The following SNTG1 variants were observed in gnomAD, a reference collection of about 807,000 sequenced individuals.
SNTG1 encodes gamma-1-syntrophin.
SNTG1 carries 39 observed loss-of-function variants against 74.7 expected under a neutral mutation model. That is an observed-to-expected ratio of 0.52 (90% confidence interval 0.40 to 0.68). SNTG1 has a LOEUF of 0.68. SNTG1 is among the 30% of genes least tolerant of loss of function. The probability of loss-of-function intolerance (pLI) is 0.00; values close to 1 mark genes in which losing one functional copy is unlikely to be tolerated. For synonymous variants in SNTG1, 254 were observed against 217.1 expected (o/e 1.17, Z -1.49); for missense variants, 685 against 609.5 (o/e 1.12, Z -1.30).
chr8:50,583,089 A>G (rs1254211092), intron 12 of SNTG1, among the ~76,000 whole-genome samples: 1 of 152,048 alleles, frequency 6.6e-6, no homozygotes, highest in Non-Finnish European at 1.5e-5. Context: ...ACCATCCTGA[A>G]TCTAGGTATG....
At chr8:50,788,829 T>A (rs981022847) in intron 18 of SNTG1, among the ~76,000 whole-genome samples, 11 of 151,570 alleles carry the variant, frequency 7.3e-5, no homozygotes, top group Admixed American at 1.3e-4. Flanking sequence ...TGTACCCATA[T>A]ACTGTGCCTC....
At chr8:50,282,630 G>A (rs1020799473) in intron 2 of SNTG1, among the ~76,000 whole-genome samples, 20 of 152,006 alleles carry the variant, frequency 1.3e-4, no homozygotes, top group African/African-American at 4.8e-4. Context: ...GTCAGGCATG[G>A]TGGCACACGC....
intron 9 of SNTG1, among the ~76,000 whole-genome samples, chr8:50,505,016 CA>C (rs1449864198): frequency 6.6e-6 from 1 of 152,118 alleles, no homozygotes. Context: ...CACCCACTGG[CA>C]AACACCATTG....
intron 18 of SNTG1, among the ~76,000 whole-genome samples, chr8:50,790,077 A>G (rs1035011987): frequency 2.6e-5 from 4 of 152,006 alleles, no homozygotes; most frequent in African/African-American, 9.7e-5. Context: ...TATACAAGGC[A>G]ACATGAATTT....
intron 17 of SNTG1, among the ~76,000 whole-genome samples, chr8:50,714,905 A>T (rs2095471463): frequency 6.6e-6 from 1 of 152,116 alleles, no homozygotes; most frequent in African/African-American, 2.4e-5. Flanking sequence ...ATTATAGAAT[A>T]ATTTTGAACT....
intron 15 of SNTG1, among the ~76,000 whole-genome samples, chr8:50,694,230 A>T (rs578149212): frequency 1.3e-5 from 2 of 152,160 alleles, no homozygotes; most frequent in African/African-American, 4.8e-5. Context: ...GACTCAAATA[A>T]ATAAAACCAG....
At chr8:50,241,550 G>A (rs1225999978) in intron 2 of SNTG1, among the ~76,000 whole-genome samples, 1 of 152,170 alleles carries the variant, frequency 6.6e-6, no homozygotes, top group Non-Finnish European at 1.5e-5. Flanking sequence ...TTAGGTGGGT[G>A]GTGTCTGATG....
chr8:50,045,768 G>A (rs1311425224), intron 1 of SNTG1, among the ~76,000 whole-genome samples: 1 of 152,130 alleles, frequency 6.6e-6, no homozygotes, highest in Non-Finnish European at 1.5e-5. Flanking sequence ...AGATCCTATG[G>A]ATATGTGATT....
At chr8:50,546,042 G>GA (rs1287325150) in intron 11 of SNTG1, among the ~76,000 whole-genome samples, 2 of 152,092 alleles carry the variant, frequency 1.3e-5, no homozygotes, top group East Asian at 1.9e-4. Context: ...GTGTGAAGCA[G>GA]AAAAAAGTAG....
chr8:50,480,157 A>G, intron 8 of SNTG1, among the ~76,000 whole-genome samples: 1 of 152,066 alleles, frequency 6.6e-6, no homozygotes. Flanking sequence ...TTTTGCTGTA[A>G]CAATCTTTAG....
At chr8:50,600,009 G>A (rs1487655105) in intron 13 of SNTG1, among the ~76,000 whole-genome samples, 1 of 152,054 alleles carries the variant, frequency 6.6e-6, no homozygotes, top group Non-Finnish European at 1.5e-5. Context: ...TTTTAATCAT[G>A]AAGGGATATT....
intron 2 of SNTG1, among the ~76,000 whole-genome samples, chr8:50,264,778 G>A (rs946931630): frequency 7.2e-5 from 11 of 151,814 alleles, no homozygotes; most frequent in Admixed American, 3.3e-4. Context: ...TGAATTATTC[G>A]AATCAGGAAT....
At chr8:50,176,228 T>C (rs2082995701) in intron 2 of SNTG1, among the ~76,000 whole-genome samples, 1 of 152,162 alleles carries the variant, frequency 6.6e-6, no homozygotes, top group East Asian at 1.9e-4. Context: ...GTGTCACAAG[T>C]TGCAGCTGCT....
At chr8:50,667,781 G>C (rs1383268834) in intron 15 of SNTG1, among the ~76,000 whole-genome samples, 2 of 151,854 alleles carry the variant, frequency 1.3e-5, no homozygotes, top group Non-Finnish European at 2.9e-5. Flanking sequence ...TTCTTAAAAA[G>C]GTTGATTGCT....
chr8:50,346,410 T>G (rs934005182), intron 2 of SNTG1, among the ~76,000 whole-genome samples: 1 of 151,858 alleles, frequency 6.6e-6, no homozygotes, highest in Non-Finnish European at 1.5e-5. Context: ...GTGTGTCTGC[T>G]CCACCAACCA....
chr8:50,316,038 A>T (rs1563886441), intron 2 of SNTG1, among the ~76,000 whole-genome samples: 1 of 152,172 alleles, frequency 6.6e-6, no homozygotes, highest in Non-Finnish European at 1.5e-5. Flanking sequence ...AACTTTTAAA[A>T]TTCTACTTTT....
At chr8:50,128,422 T>A (rs2081213102) in intron 1 of SNTG1, among the ~76,000 whole-genome samples, 1 of 152,174 alleles carries the variant, frequency 6.6e-6, no homozygotes, top group Admixed American at 6.6e-5. Context: ...TATTACTTTA[T>A]ACGGTAAAAG....
intron 1 of SNTG1, among the ~76,000 whole-genome samples, chr8:49,943,451 A>C (rs1174192754): frequency 1.3e-5 from 2 of 152,254 alleles, no homozygotes; most frequent in Non-Finnish European, 2.9e-5. Context: ...TGAAACTGCT[A>C]TTGTTCTTCC....
intron 3 of SNTG1, among the ~76,000 whole-genome samples, chr8:50,397,388 G>A (rs557451096): frequency 2.3e-4 from 35 of 152,326 alleles, no homozygotes; most frequent in African/African-American, 8.2e-4. Context: ...GATCTGTAAA[G>A]ACTTTGCAGG....
Sources: gnomAD v4.1 joint callset for allele counts (sites outside exome capture counted in the v4.1 genomes callset) on GRCh38, gnomAD v4.1.1 for gene constraint, MANE v1.5 for transcripts, NCBI Gene and HGNC (gene_info 2026-07-23, HGNC 2026-07-21) for gene names.